Variants in AP1S3 observed in about 807,000 individuals in gnomAD.
AP1S3 encodes adaptor related protein complex 1 subunit sigma 3, also known as AP-1 complex subunit sigma-3.
A neutral mutation model predicts 20.9 loss-of-function variants in AP1S3; 10 were observed. The observed-to-expected ratio is 0.48, with a 90% CI of 0.29 to 0.81. AP1S3 has a LOEUF of 0.81. AP1S3 is among the 30% of genes least tolerant of loss of function. The probability of loss-of-function intolerance (pLI) is 0.08; values close to 1 mark genes in which losing one functional copy is unlikely to be tolerated. For synonymous variants in AP1S3, 41 were observed against 61.5 expected (o/e 0.67, Z 1.56); for missense variants, 154 against 183.8 (o/e 0.84, Z 0.94).
chr2:223,774,137 G>A (rs967823681), intron 3 of AP1S3, among the ~76,000 whole-genome samples: 1 of 152,174 alleles, frequency 6.6e-6, no homozygotes, highest in Non-Finnish European at 1.5e-5. Flanking sequence ...GGCCAAGGCA[G>A]GCGGATCGCC....
chr2:223,777,570 T>G lies in AP1S3; in HGVS notation c.182+121A>C, dbSNP rs3795882. 3.7e-4 allele frequency: 317 copies of G among 864,170 alleles called. 3 individuals are homozygous for G. In the East Asian group the frequency reaches 6.8e-3, roughly 19 times the overall value. The allele number at this position is 864,170 out of a possible 1,614,324, so 53.5% of individuals were successfully genotyped here. On this transcript the variant is annotated intron_variant, in intron 2 of 4. Transcript: ENST00000396654. ...TAGTTAGTCTATTGGTACAAATATC[T>G]GGGCCCCAGCCTTCAAAGATTTCAG...
At chr2:223,783,340 C>G (rs1407100313) in intron 1 of AP1S3, among the ~76,000 whole-genome samples, 1 of 152,112 alleles carries the variant, frequency 6.6e-6, no homozygotes, top group East Asian at 1.9e-4. Context: ...CTTCTGCCAG[C>G]CGCCATTTTG....
chr2:223,833,302 T>G (rs1559150082), intron 1 of AP1S3, among the ~76,000 whole-genome samples: 1 of 149,748 alleles, frequency 6.7e-6, no homozygotes, highest in Non-Finnish European at 1.5e-5. Context: ...TAATCCTCCT[T>G]CATTGCCAAC....
chr2:223,759,874 G>C (rs937735347), intron 4 of AP1S3, among the ~76,000 whole-genome samples: 3 of 152,094 alleles, frequency 2.0e-5, no homozygotes, highest in African/African-American at 7.2e-5. Flanking sequence ...GTGGCATTTG[G>C]TTTTCTGTCC....
At chr2:223,794,165 T>C (rs1574707864) in intron 1 of AP1S3, among the ~76,000 whole-genome samples, 1 of 152,166 alleles carries the variant, frequency 6.6e-6, no homozygotes, top group East Asian at 1.9e-4. Flanking sequence ...GAATGGGGAC[T>C]CACATATTGG....
chr2:223,775,134 G>A (rs936979915), intron 3 of AP1S3, among the ~76,000 whole-genome samples: 10 of 152,314 alleles, frequency 6.6e-5, no homozygotes, highest in Middle Eastern at 3.4e-3. Context: ...AAGAGGAATC[G>A]CTGGTGTCAA....
intron 1 of AP1S3, among the ~76,000 whole-genome samples, chr2:223,807,691 C>T (rs1691617291): frequency 6.6e-6 from 1 of 151,926 alleles, no homozygotes; most frequent in African/African-American, 2.4e-5. Context: ...AACCTCTCCC[C>T]TCTTGTTCCT....
At position 223,837,491 on chromosome 2, in the gene AP1S3, G is replaced by T. The variant is rs892249770; in HGVS notation, c.-41C>A. 1.6e-6 allele frequency: 2 copies of T among 1,274,490 alleles called. No homozygotes were observed. The highest frequency in any genetic ancestry group is 3.1e-5 in the African/African-American group (2 of 64,992). The allele number at this position is 1,274,490 out of a possible 1,614,324, so 78.9% of individuals were successfully genotyped here. ...GCCTCCCCCGCCTTGCGAGCAAGGA[G>T]CGCTGGAGAAGCGAGGGCGAGAGGC... On this transcript the variant is annotated 5_prime_UTR_variant, in exon 1 of 5. Transcript: ENST00000396654.
rs534677503 is a variant in AP1S3, at chr2:223,774,220, C to T, written c.291+1681G>A. Among the ~76,000 whole-genome samples the T allele has an allele frequency of 5.9e-5, 9 of 152,134 alleles. No individual in the cohort carries two copies. The South Asian group carries it at 1.9e-3, about 32-fold the overall frequency. ...TCTCTAATAAAAATATAAAAATGAG[C>T]CGGGCATGGTGGCGGGGGCCCGTAA... is the stretch of plus-strand genomic sequence containing the variant. On this transcript the variant is annotated intron_variant, in intron 3 of 4. Transcript: ENST00000396654.
At chr2:223,761,995 CAG>C (rs200537768) in intron 4 of AP1S3, among the ~76,000 whole-genome samples, 4,646 of 152,132 alleles carry the variant, frequency 0.031, 132 homozygotes, top group East Asian at 0.16. Flanking sequence ...TTTTTTGAGA[CAG>C]AGTCTCACTC....
intron 1 of AP1S3, among the ~76,000 whole-genome samples, chr2:223,818,630 G>A (rs1232050673): frequency 6.6e-6 from 1 of 151,862 alleles, no homozygotes; most frequent in Non-Finnish European, 1.5e-5. Flanking sequence ...TCAACTCATT[G>A]CAACCTCCGC....
chr2:223,829,855 A>ACC (rs1553527632), intron 1 of AP1S3, among the ~76,000 whole-genome samples: 1 of 150,984 alleles, frequency 6.6e-6, no homozygotes, highest in Non-Finnish European at 1.5e-5. Context: ...ACAAAAAAAA[A>ACC]ACAAAAAAAC....
intron 1 of AP1S3, among the ~76,000 whole-genome samples, chr2:223,832,135 CTGTGTGTGTGTGTGTGTGTGTG>C (rs774812162): frequency 4.2e-5 from 3 of 70,738 alleles, no homozygotes; most frequent in African/African-American, 8.4e-5. Context: ...AGTTTTCTCT[CTGTGTGTGTGTGTGTGTGTGTG>C]TGTGTGTGTG....
At chr2:223,767,634 GC>G (rs759829109) in intron 3 of AP1S3, among the ~76,000 whole-genome samples, 3 of 151,760 alleles carry the variant, frequency 2.0e-5, no homozygotes, top group Non-Finnish European at 4.4e-5. Context: ...TAGATGACTA[GC>G]CCTGATCTCC....
chr2:223,777,803 G>A lies in AP1S3; in HGVS notation c.70C>T (p.Pro24Ser), dbSNP rs764210356. 1 of 1,613,928 alleles carries A rather than the reference G, an allele frequency of 6.2e-7. No homozygotes were observed. Among genetic ancestry groups the A allele is most frequent in the African/African-American group, 1.3e-5 (1 of 74,886 alleles). The part of the protein sequence containing the change: ...LRLQKWYITL[P>S]DKERKKITRE... ...GTGATCTTCTTCCTCTCTTTATCAGGGAGAGTGATGTACCATTTCTGTAGC... is the reference window on the plus strand; with the variant it reads ...GTGATCTTCTTCCTCTCTTTATCAGAGAGAGTGATGTACCATTTCTGTAGC... The change falls in exon 2 of 5, where the codon CCT (proline) becomes TCT (serine). Residue 24 changes from proline (P) to serine (S), a missense_variant. By Grantham distance (74) the Pro-to-Ser change is moderately conservative. Transcript: ENST00000396654.
At chr2:223,816,514 G>C (rs1257953226) in intron 1 of AP1S3, among the ~76,000 whole-genome samples, 1 of 152,192 alleles carries the variant, frequency 6.6e-6, no homozygotes, top group Non-Finnish European at 1.5e-5. Context: ...GCAAGGAACA[G>C]ATAGCAAGTA....
intron 1 of AP1S3, among the ~76,000 whole-genome samples, chr2:223,813,853 G>A (rs1168823061): frequency 6.6e-6 from 1 of 152,146 alleles, no homozygotes; most frequent in Non-Finnish European, 1.5e-5. Context: ...CTGTCACAGA[G>A]AAACCCCAAT....
At chr2:223,807,867 CTTTTTTTT>C (rs138805104) in intron 1 of AP1S3, among the ~76,000 whole-genome samples, 6 of 43,226 alleles carry the variant, frequency 1.4e-4, no homozygotes, top group Admixed American at 8.5e-4. Flanking sequence ...CATTTCTTTT[CTTTTTTTT>C]TTTTTTTTTT....
intron 1 of AP1S3, among the ~76,000 whole-genome samples, chr2:223,828,177 C>A (rs1404334313): frequency 6.6e-6 from 1 of 151,218 alleles, no homozygotes; most frequent in African/African-American, 2.4e-5. Flanking sequence ...CTGATTGAAC[C>A]AAGCAGTCTT....
Sources: allele counts gnomAD v4.1 joint callset (sites outside exome capture counted in the v4.1 genomes callset), GRCh38; gene constraint gnomAD v4.1.1; transcripts MANE v1.5; gene names NCBI Gene and HGNC (gene_info 2026-07-23, HGNC 2026-07-21).